SH3PXD2B: variants seen among roughly 807,000 people sequenced by gnomAD.
The protein encoded by SH3PXD2B is SH3 and PX domains 2B.
SH3PXD2B carries 37 observed loss-of-function variants against 73.1 expected under a neutral mutation model. That is an observed-to-expected ratio of 0.51 (90% CI 0.39 to 0.67). The LOEUF (loss-of-function observed/expected upper bound fraction) is 0.67. SH3PXD2B is among the 30% of genes least tolerant of loss of function. SH3PXD2B has a pLI of 0.00. For missense variants in SH3PXD2B, 1,053 were observed against 1,197.8 expected, an observed-to-expected ratio of 0.88 and a Z score of 1.78; for synonymous variants, 457 against 480.5, an observed-to-expected ratio of 0.95 and a Z score of 0.64.
chr5:172,416,630 C>CT lies in SH3PXD2B; in HGVS notation c.156+5785dup, dbSNP rs144781943. Among the ~76,000 whole-genome samples the CT allele has an allele frequency of 6.5e-3, 725 of 111,052 alleles. 4 individuals carry two copies. Among genetic ancestry groups the CT allele is most frequent in the Non-Finnish European group, 8.9e-3 (504 of 56,634 alleles). The allele number at this position is 111,052 out of a possible 152,430, so 72.9% of individuals were successfully genotyped here. A position where few individuals can be genotyped will look rare whatever the true frequency, so the allele number is the denominator to read the frequency against. ...CGTGAGCCACTGCGCCCGGCCTCTACTTTTTTTTTTTTTTTTTTTAAAAAG... is the reference window on the plus strand; with the variant it reads ...CGTGAGCCACTGCGCCCGGCCTCTACTTTTTTTTTTTTTTTTTTTTAAAAAG... On this transcript the variant is annotated intron_variant, in intron 2 of 12. Coordinates refer to ENST00000311601, the MANE Select transcript of SH3PXD2B (RefSeq NM_001017995.3).
At chr5:172,417,674 T>G (rs1758856036) in intron 2 of SH3PXD2B, among the ~76,000 whole-genome samples, 1 of 152,186 alleles carries the variant, frequency 6.6e-6, no homozygotes, top group Non-Finnish European at 1.5e-5. Flanking sequence ...CATCATCTCC[T>G]CTAATCTTTA....
intron 4 of SH3PXD2B, among the ~76,000 whole-genome samples, chr5:172,387,610 G>C (rs949952837): frequency 1.3e-5 from 2 of 152,188 alleles, no homozygotes; most frequent in Non-Finnish European, 1.5e-5. Flanking sequence ...GAATGTGGTT[G>C]CATCTGCCTT....
downstream of SH3PXD2B, among the ~76,000 whole-genome samples, chr5:172,332,996 C>T (rs1756591728): frequency 1.3e-5 from 2 of 149,956 alleles, no homozygotes; most frequent in Middle Eastern, 3.4e-3. Flanking sequence ...AGCGCAGTGA[C>T]GTGATGTCGA....
chr5:172,433,727 G>A (rs754344093), intron 1 of SH3PXD2B, among the ~76,000 whole-genome samples: 8 of 152,154 alleles, frequency 5.3e-5, no homozygotes, highest in Non-Finnish European at 1.2e-4. Flanking sequence ...TTAAGTCCTT[G>A]ACCTCTTACA....
At chr5:172,327,530 A>G (rs868175241) in intron 12 of SH3PXD2B, among the ~76,000 whole-genome samples, 7 of 152,170 alleles carry the variant, frequency 4.6e-5, no homozygotes, top group Non-Finnish European at 1.0e-4. Context: ...TCAATTTTGC[A>G]TATGTATTTT....
chr5:172,391,136 C>T (rs927841112), intron 4 of SH3PXD2B, among the ~76,000 whole-genome samples: 4 of 152,106 alleles, frequency 2.6e-5, no homozygotes, highest in Non-Finnish European at 5.9e-5. Flanking sequence ...CCACCACGCC[C>T]GGCTTGCAGC....
rs117026105 is a variant in SH3PXD2B at position 172,385,232 on chromosome 5, C to T, written c.310-3105G>A. Among the ~76,000 whole-genome samples the T allele has an allele frequency of 3.7e-4, 57 of 152,284 alleles. No individual in the cohort carries two copies. In the East Asian group the frequency reaches 9.3e-3, roughly 25 times the overall value. The stretch of plus-strand genomic sequence containing the variant: ...ATGAAGGAGCTGATTATATGCTGGA[C>T]TGTGGTGTGTCCTGGCTGCTTTGTG... On this transcript the variant is annotated intron_variant, in intron 4 of 12. Transcript: ENST00000311601.
chr5:172,334,021 A>G lies in SH3PXD2B; in HGVS notation c.*4348T>C, dbSNP rs2113231441. On this transcript the variant is annotated 3_prime_UTR_variant, in exon 13 of 13. Transcript: ENST00000311601. ...TCTTTTTTACATGAATAGGACATCTAAAAGTGAAGGCTACCGACTGTGGCA... is the reference window on the plus strand; with the variant it reads ...TCTTTTTTACATGAATAGGACATCTGAAAGTGAAGGCTACCGACTGTGGCA... 2 of 1,182,018 alleles carry G rather than the reference A, an allele frequency of 1.7e-6. No individual in the cohort carries two copies. The highest frequency in any genetic ancestry group is 2.1e-6 in the Non-Finnish European group (2 of 943,706). The allele number at this position is 1,182,018 out of a possible 1,614,324, so 73.2% of individuals were successfully genotyped here.
At chr5:172,360,633 A>T (rs1379360040) in intron 7 of SH3PXD2B, among the ~76,000 whole-genome samples, 1 of 152,174 alleles carries the variant, frequency 6.6e-6, no homozygotes, top group Non-Finnish European at 1.5e-5. Context: ...GTAGTTCGAG[A>T]CCAGCCTGAC....
intron 7 of SH3PXD2B, among the ~76,000 whole-genome samples, chr5:172,361,758 A>G (rs1561904264): frequency 2.6e-5 from 4 of 152,132 alleles, no homozygotes; most frequent in African/African-American, 4.8e-5. Flanking sequence ...TGAAGCAGGG[A>G]TGGCAACTCC....
rs1306584424 is a variant in SH3PXD2B, at chr5:172,422,402, C to A, written c.156+14G>T. 1 of 1,601,676 alleles carries A rather than the reference C, an allele frequency of 6.2e-7. No homozygotes were observed. The highest frequency in any genetic ancestry group is 8.5e-7 in the Non-Finnish European group (1 of 1,174,356). On this transcript the variant is annotated intron_variant, in intron 2 of 12. Coordinates refer to ENST00000311601, the MANE Select transcript of SH3PXD2B (RefSeq NM_001017995.3). ...TTCCGATCCTGCAGCTCACCAGAGA[C>A]CTCAAATCCTTACCTGGAGGTCAAA...
chr5:172,368,497 T>G (rs11955112), intron 6 of SH3PXD2B, among the ~76,000 whole-genome samples: 2 of 4,288 alleles, frequency 4.7e-4, no homozygotes, highest in African/African-American at 1.4e-3. Flanking sequence ...ATATATATAT[T>G]ATATATATAT....
At chr5:172,405,430 T>G (rs1038888494) in intron 3 of SH3PXD2B, among the ~76,000 whole-genome samples, 12 of 152,212 alleles carry the variant, frequency 7.9e-5, no homozygotes, top group African/African-American at 2.9e-4. Context: ...GAAGGCAAAG[T>G]CAGAGGGATC....
chr5:172,416,784 C>T (rs1758837135), intron 2 of SH3PXD2B, among the ~76,000 whole-genome samples: 1 of 142,450 alleles, frequency 7.0e-6, no homozygotes, highest in South Asian at 2.3e-4. Context: ...TCTCAGCTCA[C>T]TGCAGCCTCG....
At chr5:172,326,454 G>C (rs766415851) in intron 12 of SH3PXD2B, among the ~76,000 whole-genome samples, 10 of 152,118 alleles carry the variant, frequency 6.6e-5, no homozygotes, top group Non-Finnish European at 1.2e-4. Context: ...TTAATGTGCT[G>C]GTGTGTGGCC....
At chr5:172,432,207 T>A (rs567763775) in intron 1 of SH3PXD2B, among the ~76,000 whole-genome samples, 1 of 152,196 alleles carries the variant, frequency 6.6e-6, no homozygotes, top group South Asian at 2.1e-4. Flanking sequence ...TTATTTAATA[T>A]GCATGGTTAA....
chr5:172,419,755 TG>T (rs1294925007), intron 2 of SH3PXD2B, among the ~76,000 whole-genome samples: 2 of 152,112 alleles, frequency 1.3e-5, no homozygotes, highest in Non-Finnish European at 2.9e-5. Context: ...CTTTGCTCGG[TG>T]GATGTAAATA....
intron 1 of SH3PXD2B, among the ~76,000 whole-genome samples, chr5:172,439,952 G>A (rs1177996183): frequency 1.3e-5 from 2 of 152,176 alleles, no homozygotes; most frequent in African/African-American, 4.8e-5. Context: ...GGCCCGAGGC[G>A]GCGTGGGGAA....
At chr5:172,449,316 T>A (rs1307369729) in intron 1 of SH3PXD2B, among the ~76,000 whole-genome samples, 1 of 152,150 alleles carries the variant, frequency 6.6e-6, no homozygotes, top group African/African-American at 2.4e-5. Flanking sequence ...AAGTGACCCA[T>A]CCAAGGTCAG....
Sources: gnomAD v4.1 joint callset for allele counts (sites outside exome capture counted in the v4.1 genomes callset) on GRCh38, gnomAD v4.1.1 for gene constraint, MANE v1.5 for transcripts, NCBI Gene and HGNC (gene_info 2026-07-23, HGNC 2026-07-21) for gene names.